EP400: variants seen among roughly 807,000 people sequenced by gnomAD.
EP400 encodes the protein E1A-binding protein p400.
EP400 carries 105 observed loss-of-function variants against 354.1 expected under a neutral mutation model. The observed-to-expected ratio is 0.30, with a 90% CI of 0.25 to 0.35. EP400 has a LOEUF of 0.35. Ranked by LOEUF, EP400 falls within the 10% of genes least tolerant of loss-of-function variation. The pLI is 1.00. For synonymous variants in EP400, 1,646 were observed against 1,716.9 expected (o/e 0.96, Z 1.02); for missense variants, 3,280 against 4,121.0 (o/e 0.80, Z 5.59).
intron 2 of EP400, among the ~76,000 whole-genome samples, chr12:131,966,584 A>T (rs1011148305): frequency 9.0e-5 from 13 of 143,990 alleles, no homozygotes; most frequent in South Asian, 4.3e-4. Flanking sequence ...AAAAAAAAAA[A>T]AAAGACCACC....
At chr12:132,011,845 G>T (rs756033126) in intron 16 of EP400, among the ~76,000 whole-genome samples, 3 of 149,352 alleles carry the variant, frequency 2.0e-5, no homozygotes, top group Non-Finnish European at 2.9e-5. Flanking sequence ...CCACGCACTC[G>T]CAGGCCCAGG....
rs1279774418 is a variant in EP400, at chr12:132,067,587, A to G, written c.8874+101A>G. ...CAGACAAATCCCCATGTGGCGGCTC[A>G]CGCTTTTCAGAGGGTGGCTTCAAGG... is the stretch of plus-strand genomic sequence containing the variant. On this transcript the variant is annotated intron_variant, in intron 50 of 52. Transcript: ENST00000389561. The surrounding 1 kb of genome is among the most constrained non-coding windows in gnomAD (Gnocchi z 5.3). 6.7e-7 allele frequency: 1 copy of G among 1,497,376 alleles called. No individual in the cohort carries two copies. Among genetic ancestry groups the G allele is most frequent in the African/African-American group, 1.4e-5 (1 of 71,922 alleles). 92.8% of individuals were successfully genotyped at this position (1,497,376 alleles called of 1,614,324 possible).
intron 22 of EP400, 101 bp from the exon 23 acceptor site, chr12:132,020,978 G>T: frequency 7.2e-7 from 1 of 1,396,412 alleles, no homozygotes; most frequent in Non-Finnish European, 9.3e-7. Context: ...TTGAGAGACG[G>T]TGTGAAATGT....
chr12:131,987,937 G>T (rs773879639), intron 7 of EP400, 47 bp downstream of exon 7: 1 of 1,490,156 alleles, frequency 6.7e-7, no homozygotes, highest in East Asian at 2.5e-5. Context: ...GTTGGTGGGG[G>T]CTTGAGTTTG....
intron 39 of EP400, among the ~76,000 whole-genome samples, chr12:132,047,869 C>A (rs971610540): frequency 6.8e-6 from 1 of 146,892 alleles, no homozygotes; most frequent in African/African-American, 2.4e-5. Context: ...ACAGCTGCCC[C>A]CAAAGCGGCC....
chr12:131,990,900 T>C lies in EP400; in HGVS notation c.2629+186T>C, dbSNP rs1320783421. On this transcript the variant is annotated intron_variant, in intron 9 of 52. Coordinates refer to ENST00000389561, the MANE Select transcript of EP400 (RefSeq NM_015409.5). This position sits in a 1 kb window ranked among gnomAD's most constrained non-coding sequence, Gnocchi z 4.2. ...TTTATGCTTCAGTGCTTTTGAGATG[T>C]GCTAGTGTGAGTCAGCACCCCCAAG... is the stretch of plus-strand genomic sequence containing the variant. Among the ~76,000 whole-genome samples, 2 of 152,128 alleles carry C rather than the reference T, an allele frequency of 1.3e-5. No homozygotes were observed. The highest frequency in any genetic ancestry group is 4.8e-5 in the African/African-American group (2 of 41,440).
rs952366597 is a variant in EP400 at position 132,025,142 on chromosome 12, C to T, written c.4856-504C>T. On this transcript the variant is annotated intron_variant, in intron 24 of 52. Transcript: ENST00000389561. This position sits in a 1 kb window ranked among gnomAD's most constrained non-coding sequence, Gnocchi z 4.1. Reference sequence around the variant, plus strand: ...GCTTGGTAACATCTCTGATGGCCGCCGGTTTATTCATAGAGATGACCTGGG... The same window carrying T: ...GCTTGGTAACATCTCTGATGGCCGCTGGTTTATTCATAGAGATGACCTGGG... Among the ~76,000 whole-genome samples, 14 of 152,026 alleles carry T rather than the reference C, an allele frequency of 9.2e-5. No individual in the cohort carries two copies. The highest frequency in any genetic ancestry group is 4.1e-4 in the South Asian group (2 of 4,826).
rs770334591 is a variant in EP400 at position 132,017,698 on chromosome 12, G to A, written c.4087G>A (p.Ala1363Thr). 2 of 1,531,104 alleles carry A rather than the reference G, an allele frequency of 1.3e-6. No homozygotes were observed. The highest frequency in any genetic ancestry group is 1.3e-5 in the South Asian group (1 of 79,300). 94.8% of individuals were successfully genotyped at this position (1,531,104 alleles called of 1,614,324 possible). ...EYPSASLILK[A>T]LERDFWKEAD... ...TCCGTCCGCATCTCTAATCCTGAAG[G>A]CACTGGAGAGAGATTTCTGGAAGGT... is the stretch of plus-strand genomic sequence containing the variant. The change falls in exon 20 of 53, where the codon GCA (alanine) becomes ACA (threonine). Residue 1363 changes from alanine (A) to threonine (T), a missense_variant. By Grantham distance (58) the Ala-to-Thr change is moderately conservative. Around this residue, in one of 20 missense-constraint regions of EP400, gnomAD observed 342 missense variants for 342.7 expected, o/e 1.00. Coordinates refer to ENST00000389561, the MANE Select transcript of EP400 (RefSeq NM_015409.5). The surrounding 1 kb of genome is among the most constrained non-coding windows in gnomAD (Gnocchi z 5.0).
intron 21 of EP400, 137 bp from the exon 22 acceptor site, chr12:132,019,912 T>C: frequency 1.1e-6 from 1 of 930,114 alleles, no homozygotes; most frequent in East Asian, 3.1e-5. Context: ...TCCCCTTCCC[T>C]CTGTAAACTG....
At chr12:132,059,519 T>G (rs1895618161) in intron 45 of EP400, among the ~76,000 whole-genome samples, 1 of 152,228 alleles carries the variant, frequency 6.6e-6, no homozygotes, top group Non-Finnish European at 1.5e-5. Context: ...CAAATGCAGA[T>G]TCTCTCTGGA....
rs928637951 is a variant in EP400 at position 132,064,656 on chromosome 12, C to T, written c.8335-12C>T. On this transcript the variant is annotated splice_polypyrimidine_tract_variant and intron_variant, in intron 47 of 52. Coordinates refer to ENST00000389561, the MANE Select transcript of EP400 (RefSeq NM_015409.5). ...TTAATGTTGAAGAGAAGATACTTTG[C>T]TTGTATTTTAGGAACACCTCATCAA... 1.4e-5 allele frequency: 22 copies of T among 1,608,122 alleles called. No homozygotes were observed. Among genetic ancestry groups the T allele is most frequent in the Non-Finnish European group, 1.8e-5 (21 of 1,175,772 alleles).
At chr12:132,037,824 G>A (rs1441829895) in intron 31 of EP400, 31 bp downstream of exon 31, 1 of 1,612,210 alleles carries the variant, frequency 6.2e-7, no homozygotes, top group Admixed American at 1.7e-5. Context: ...GGCCTGAGGT[G>A]AGACCCGCCA....
At chr12:132,042,093 G>A (rs1256794217) in intron 32 of EP400, among the ~76,000 whole-genome samples, 1 of 151,900 alleles carries the variant, frequency 6.6e-6, no homozygotes, top group African/African-American at 2.4e-5. Flanking sequence ...TGGAATTACA[G>A]GTGCATGCCA....
rs912469085 is a variant in EP400 at position 132,013,608 on chromosome 12, G to A, written c.3730G>A (p.Ala1244Thr). The change falls in exon 18 of 53, where the codon GCC (alanine) becomes ACC (threonine). Residue 1244 changes from alanine (A) to threonine (T), a missense_variant. Ala to Thr is a moderately conservative substitution (Grantham distance 58, BLOSUM62 0). Around this residue, in one of 20 missense-constraint regions of EP400, gnomAD observed 242 missense variants for 357.9 expected, o/e 0.68. Transcript: ENST00000389561. This position sits in a 1 kb window ranked among gnomAD's most constrained non-coding sequence, Gnocchi z 4.5. ...GCCCTACCTGAGCTCCCCTCTGAGGGCCCCCAGTGAAGAGAGCCAGGATTA... is the reference window on the plus strand; with the variant it reads ...GCCCTACCTGAGCTCCCCTCTGAGGACCCCCAGTGAAGAGAGCCAGGATTA... ...SRPYLSSPLR[A>T]PSEESQDYYH... 1 of 1,613,880 alleles carries A rather than the reference G, an allele frequency of 6.2e-7. No individual in the cohort carries two copies. The highest frequency in any genetic ancestry group is 8.5e-7 in the Non-Finnish European group (1 of 1,179,890).
In EP400 at chr12:131,987,829, T is replaced by C; in HGVS notation, c.2348T>C (p.Met783Thr). Reference sequence around the variant, plus strand: ...CACTGGGACTATCTGCTGGAGGAGATGCAGTGGATGGCCACAGACTTTGCC... The same window carrying C: ...CACTGGGACTATCTGCTGGAGGAGACGCAGTGGATGGCCACAGACTTTGCC... ...KSHWDYLLEEMQWMATDFAQE... is the reference protein window; with the variant it reads ...KSHWDYLLEETQWMATDFAQE... The change falls in exon 7 of 53, where the codon ATG becomes ACG. Residue 783 changes from methionine to threonine, a missense_variant. Physicochemically the swap from Met to Thr is moderately conservative, Grantham distance 81 (BLOSUM62 -1). Coordinates refer to ENST00000389561, the MANE Select transcript of EP400 (RefSeq NM_015409.5). The C allele has an allele frequency of 6.2e-7, 1 of 1,613,650 alleles. No individual in the cohort carries two copies. The highest frequency in any genetic ancestry group is 1.7e-5 in the Admixed American group (1 of 59,954).
intron 45 of EP400, among the ~76,000 whole-genome samples, chr12:132,060,937 C>A (rs1424997614): frequency 1.8e-4 from 26 of 147,660 alleles, no homozygotes; most frequent in South Asian, 6.5e-4. Context: ...AAACAAAAAA[C>A]AAAACAAAAC....
At chr12:132,049,918 G>A (rs561203285) in intron 39 of EP400, among the ~76,000 whole-genome samples, 4 of 152,342 alleles carry the variant, frequency 2.6e-5, no homozygotes, top group South Asian at 2.1e-4. Flanking sequence ...ACTGTCCACC[G>A]TGGGCAGATG....
At chr12:131,979,520 T>A (rs1178122661) in intron 2 of EP400, among the ~76,000 whole-genome samples, 174 bp from the exon 3 acceptor site, 2 of 151,342 alleles carry the variant, frequency 1.3e-5, no homozygotes, top group African/African-American at 2.4e-5. Context: ...AACTTTAAAT[T>A]GTTTATTATA....
chr12:131,978,178 G>A (rs556700868), intron 2 of EP400, among the ~76,000 whole-genome samples: 9 of 152,040 alleles, frequency 5.9e-5, no homozygotes, highest in Non-Finnish European at 1.3e-4. Flanking sequence ...GATTTTTTAC[G>A]AGCAGTTTTA....
Sources: gnomAD v4.1 joint callset for allele counts (sites outside exome capture counted in the v4.1 genomes callset) on GRCh38, gnomAD v4.1.1 for gene constraint, gnomAD v4.1.1 regional missense constraint, Gnocchi (gnomAD v3.1) non-coding constraint, MANE v1.5 for transcripts, NCBI Gene and HGNC (gene_info 2026-07-23, HGNC 2026-07-21) for gene names.